The following PLEKHO2 variants were observed in gnomAD, a reference collection of about 807,000 sequenced individuals.
PLEKHO2 encodes the protein pleckstrin homology domain-containing family O member 2.
A neutral mutation model predicts 32.7 loss-of-function variants in PLEKHO2; 20 were observed. The ratio of observed to expected loss-of-function variants is 0.61; its 90% confidence interval spans 0.43 to 0.89. The LOEUF (loss-of-function observed/expected upper bound fraction) is 0.89, where lower values mean the gene tolerates loss of function less well. Among genes scored for constraint, PLEKHO2 ranks in the 40% least tolerant of loss-of-function variants. PLEKHO2 has a pLI of 0.00. For missense variants in PLEKHO2, 568 were observed against 621.2 expected (o/e 0.91, Z 0.91); for synonymous variants, 247 against 246.3 (o/e 1.00, Z -0.03).
At position 64,848,695 on chromosome 15, in the gene PLEKHO2, C is replaced by A. The variant is rs143183857; in HGVS notation, c.115C>A (p.Arg39=). The part of the protein sequence containing the change: ...SGGLLGFWKD[R]YLLLCQAQLL... ...GGGCCTCCTGGGTTTCTGGAAAGAC[C>A]GATATCTGCTCCTCTGCCAGGCCCA... Residue 39 remains arginine, a synonymous_variant, in exon 2 of 6, where the codon CGA becomes AGA. Transcript: ENST00000323544. 3 of 1,614,094 alleles carry A rather than the reference C, an allele frequency of 1.9e-6. No homozygotes were observed. The South Asian group carries it at 3.3e-5, about 18-fold the overall frequency.
chr15:64,844,430 A>G (rs2084508259), intron 1 of PLEKHO2, among the ~76,000 whole-genome samples: 1 of 152,214 alleles, frequency 6.6e-6, no homozygotes, highest in Admixed American at 6.5e-5. Context: ...AAAGCTGAGA[A>G]AACTGCGAAT....
intron 1 of PLEKHO2, among the ~76,000 whole-genome samples, chr15:64,847,659 A>T (rs1314636060): frequency 6.6e-6 from 1 of 152,156 alleles, no homozygotes; most frequent in Non-Finnish European, 1.5e-5. Flanking sequence ...GAGGCACAAG[A>T]TGTCAGTAGC....
At chr15:64,852,124 G>T (rs1049168392) in intron 2 of PLEKHO2, among the ~76,000 whole-genome samples, 2 of 152,158 alleles carry the variant, frequency 1.3e-5, no homozygotes, top group African/African-American at 4.8e-5. Flanking sequence ...CCCATGGCAG[G>T]ACTCGGCTCC....
chr15:64,852,123 G>A (rs1435326619), intron 2 of PLEKHO2, among the ~76,000 whole-genome samples: 1 of 152,150 alleles, frequency 6.6e-6, no homozygotes, highest in Non-Finnish European at 1.5e-5. Context: ...TCCCATGGCA[G>A]GACTCGGCTC....
chr15:64,846,019 G>A (rs1193087420), intron 1 of PLEKHO2, among the ~76,000 whole-genome samples: 2 of 152,200 alleles, frequency 1.3e-5, no homozygotes, highest in Non-Finnish European at 1.5e-5. Flanking sequence ...TGGTGGTGCT[G>A]TCCTTGCTGT....
chr15:64,843,664 G>A (rs988045293), intron 1 of PLEKHO2, among the ~76,000 whole-genome samples: 3 of 149,574 alleles, frequency 2.0e-5, no homozygotes, highest in African/African-American at 7.4e-5. Context: ...CACCGCAACC[G>A]CCACCTCCTG....
At chr15:64,847,449 C>CA (rs1266880248) in intron 1 of PLEKHO2, among the ~76,000 whole-genome samples, 18 of 152,302 alleles carry the variant, frequency 1.2e-4, no homozygotes, top group African/African-American at 4.1e-4. Context: ...ACTTCACACT[C>CA]ACGACTCTGG....
In PLEKHO2 at chr15:64,848,715, G is replaced by A; in HGVS notation, c.135G>A (p.Gln45=). The change falls in exon 2 of 6, where the codon CAG becomes CAA. Residue 45 remains glutamine (Q), a synonymous_variant. Coordinates refer to ENST00000323544, the MANE Select transcript of PLEKHO2 (RefSeq NM_025201.5). The stretch of plus-strand genomic sequence containing the variant: ...AAGACCGATATCTGCTCCTCTGCCA[G>A]GCCCAGCTGCTGGTCTATGAGAATG... ...FWKDRYLLLC[Q]AQLLVYENED... The A allele has an allele frequency of 1.2e-6, 2 of 1,614,160 alleles. No homozygotes were observed. The highest frequency in any genetic ancestry group is 2.2e-5 in the South Asian group (2 of 91,076).
chr15:64,852,700 A>G (rs940950802), intron 2 of PLEKHO2, among the ~76,000 whole-genome samples: 6 of 151,574 alleles, frequency 4.0e-5, no homozygotes, highest in Non-Finnish European at 8.8e-5. Context: ...GGCTCTCTGC[A>G]GCCTCCGCCT....
chr15:64,848,608 G>T lies in PLEKHO2; in HGVS notation c.28G>T (p.Gly10Cys). 6.2e-7 allele frequency: 1 copy of T among 1,614,154 alleles called. No homozygotes were observed. ...TGTGTTACAGGGTGTGAAGGAAGCCGGTGAGAAGCCTCGGGGAGCACAGAT... is the reference window on the plus strand; with the variant it reads ...TGTGTTACAGGGTGTGAAGGAAGCCTGTGAGAAGCCTCGGGGAGCACAGAT... MEEEGVKEA[G>C]EKPRGAQMVD... Residue 10 changes from glycine (G) to cysteine (C), a missense_variant, in exon 2 of 6, where the codon GGT (glycine) becomes TGT (cysteine). Coordinates refer to ENST00000323544, the MANE Select transcript of PLEKHO2 (RefSeq NM_025201.5).
At chr15:64,853,448 C>A (rs1595829546) in intron 2 of PLEKHO2, among the ~76,000 whole-genome samples, 2 of 151,506 alleles carry the variant, frequency 1.3e-5, no homozygotes, top group East Asian at 4.0e-4. Flanking sequence ...GGCTAACTGC[C>A]CGGCTAATTT....
At chr15:64,842,808 G>GC (rs2084495105) in intron 1 of PLEKHO2, among the ~76,000 whole-genome samples, 1 of 152,174 alleles carries the variant, frequency 6.6e-6, no homozygotes, top group South Asian at 2.1e-4. Context: ...CCCTGCCCCT[G>GC]CCCTTTACTT....
intron 3 of PLEKHO2, among the ~76,000 whole-genome samples, chr15:64,859,507 T>C (rs1722671929): frequency 6.6e-6 from 1 of 152,212 alleles, no homozygotes; most frequent in Non-Finnish European, 1.5e-5. Flanking sequence ...TAACAGGAGC[T>C]CAGAGCTCCT....
Position 64,866,075 on chromosome 15 carries a change from C to T in PLEKHO2, c.*187C>T, listed in dbSNP as rs2084684388. ...TCCTACTCTGCTCTGGCCAGTGGTG[C>T]CAGGTGCCACCCAGGGCTACTGCCT... is the stretch of plus-strand genomic sequence containing the variant. On this transcript the variant is annotated 3_prime_UTR_variant, in exon 6 of 6. Transcript: ENST00000323544. 1.3e-6 allele frequency: 1 copy of T among 769,358 alleles called. No homozygotes were observed. The highest frequency in any genetic ancestry group is 1.9e-5 in the South Asian group (1 of 53,542). 47.7% of individuals were successfully genotyped at this position (769,358 alleles called of 1,614,324 possible). A position where few individuals can be genotyped will look rare whatever the true frequency, so the allele number is the denominator to read the frequency against.
rs767759126 is a variant in PLEKHO2 at position 64,866,359 on chromosome 15, C to T, written c.*471C>T. On this transcript the variant is annotated 3_prime_UTR_variant, in exon 6 of 6. Coordinates refer to ENST00000323544, the MANE Select transcript of PLEKHO2 (RefSeq NM_025201.5). ...CCTCATGGCTAAGGCAGCCTCAAAG[C>T]CAGCCCCTCCTCCCACCTATTCTGA... The T allele has an allele frequency of 1.3e-5, 6 of 456,940 alleles. No individual in the cohort carries two copies. The highest frequency in any genetic ancestry group is 7.7e-5 in the South Asian group (5 of 64,574). 28.3% of individuals were successfully genotyped at this position (456,940 alleles called of 1,614,324 possible).
In PLEKHO2 at chr15:64,864,893, C is replaced by T; in HGVS notation, c.484-6C>T. 2.5e-6 allele frequency: 4 copies of T among 1,582,156 alleles called. No homozygotes were observed. Among genetic ancestry groups the T allele is most frequent in the African/African-American group, 1.3e-5 (1 of 74,454 alleles). On this transcript the variant is annotated splice_polypyrimidine_tract_variant and splice_region_variant and intron_variant, in intron 5 of 5. Coordinates refer to ENST00000323544, the MANE Select transcript of PLEKHO2 (RefSeq NM_025201.5). ...GATGACACCCATATACCATCCCCCC[C>T]ACCAGGTGGCCAGTGCAGCTTCTGA... is the stretch of plus-strand genomic sequence containing the variant.
At chr15:64,843,278 G>T (rs1392428384) in intron 1 of PLEKHO2, among the ~76,000 whole-genome samples, 1 of 152,178 alleles carries the variant, frequency 6.6e-6, no homozygotes, top group South Asian at 2.1e-4. Flanking sequence ...CATACTCCTG[G>T]CCTGACAGTG....
At chr15:64,848,452 T>G (rs138501238) in intron 1 of PLEKHO2, 141 bp from the exon 2 acceptor site, 1 of 918,076 alleles carries the variant, frequency 1.1e-6, no homozygotes, top group African/African-American at 1.6e-5. Context: ...AATATCTGCC[T>G]TGGGGGTTGT....
intron 5 of PLEKHO2, among the ~76,000 whole-genome samples, chr15:64,864,083 A>G (rs1196889996): frequency 2.0e-5 from 3 of 152,240 alleles, no homozygotes; most frequent in African/African-American, 7.2e-5. Flanking sequence ...AGGGGAGAGT[A>G]AGGATCCCAG....
Sources: allele counts gnomAD v4.1 joint callset (sites outside exome capture counted in the v4.1 genomes callset), GRCh38; gene constraint gnomAD v4.1.1; transcripts MANE v1.5; gene names NCBI Gene and HGNC (gene_info 2026-07-23, HGNC 2026-07-21).